CYP2C19: variants seen among roughly 807,000 people sequenced by gnomAD.
CYP2C19 encodes cytochrome P450 2C19.
A neutral mutation model predicts 40.9 loss-of-function variants in CYP2C19; 59 were observed. The observed-to-expected ratio is 1.44, with a 90% CI of 1.17 to 1.79. The LOEUF (loss-of-function observed/expected upper bound fraction) is 1.79. CYP2C19 is among the 40% of genes most tolerant of loss of function. The pLI is 0.00. For synonymous variants in CYP2C19, 253 were observed against 208.7 expected, an observed-to-expected ratio of 1.21 and a Z score of -1.83; for missense variants, 754 against 596.9, an observed-to-expected ratio of 1.26 and a Z score of -2.74.
chr10:94,773,395 T>A (rs558256307), intron 1 of CYP2C19, among the ~76,000 whole-genome samples: 4 of 152,322 alleles, frequency 2.6e-5, no homozygotes, highest in African/African-American at 9.6e-5. Flanking sequence ...GTTCATGGTC[T>A]TGCTGACTTC....
intron 6 of CYP2C19, among the ~76,000 whole-genome samples, chr10:94,837,582 G>A (rs139109661): frequency 9.7e-4 from 147 of 152,284 alleles, no homozygotes; most frequent in Non-Finnish European, 1.2e-3. Flanking sequence ...AAGTTCCTCA[G>A]TCACAGCTTA....
chr10:94,775,083 T>G lies in CYP2C19; in HGVS notation c.194T>G (p.Phe65Cys). The change falls in exon 2 of 9, where the codon TTC (phenylalanine) becomes TGC (cysteine). Residue 65 changes from phenylalanine to cysteine, a missense_variant. Transcript: ENST00000371321. ...CTCTCAAAAATCTATGGCCCTGTGT[T>G]CACTCTGTATTTTGGCCTGGAACGC... is the stretch of plus-strand genomic sequence containing the variant. ...TNLSKIYGPV[F>C]TLYFGLERMV... 1 of 1,614,178 alleles carries G rather than the reference T, an allele frequency of 6.2e-7. No individual in the cohort carries two copies. The highest frequency in any genetic ancestry group is 2.2e-5 in the East Asian group (1 of 44,890).
At position 94,836,399 on chromosome 10, in the gene CYP2C19, T is replaced by C. The variant is rs184245960; in HGVS notation, c.962-6438T>C. Among the ~76,000 whole-genome samples, 237 of 152,292 alleles carry C rather than the reference T, an allele frequency of 1.6e-3. 1 individual carries two copies. The highest frequency in any genetic ancestry group is 2.7e-3 in the Non-Finnish European group (187 of 68,012). On this transcript the variant is annotated intron_variant, in intron 6 of 8. Coordinates refer to ENST00000371321, the MANE Select transcript of CYP2C19 (RefSeq NM_000769.4). ...GGACTCCTAGAGCTATTCCTGTTTT[T>C]TTTCTGTGTTATATAAAGAAAAGTC...
chr10:94,823,523 C>T (rs947560700), intron 6 of CYP2C19, among the ~76,000 whole-genome samples: 1 of 152,078 alleles, frequency 6.6e-6, no homozygotes, highest in African/African-American at 2.4e-5. Flanking sequence ...TTTCTTTTGC[C>T]ATCTTAACAG....
At chr10:94,778,071 G>C (rs1848434101) in intron 3 of CYP2C19, among the ~76,000 whole-genome samples, 1 of 152,158 alleles carries the variant, frequency 6.6e-6, no homozygotes, top group Non-Finnish European at 1.5e-5. Flanking sequence ...GGACTGTCTG[G>C]CTCAAGTGGC....
At chr10:94,785,955 A>G (rs539620080) in intron 5 of CYP2C19, among the ~76,000 whole-genome samples, 13 of 152,068 alleles carry the variant, frequency 8.5e-5, no homozygotes, top group Non-Finnish European at 1.6e-4. Flanking sequence ...TGTAAATGCC[A>G]CACCTGATTG....
chr10:94,844,898 C>T (rs747819388), intron 7 of CYP2C19, among the ~76,000 whole-genome samples: 1 of 152,212 alleles, frequency 6.6e-6, no homozygotes, highest in Non-Finnish European at 1.5e-5. Flanking sequence ...CAATCCACTG[C>T]ATCAGCTTTG....
In CYP2C19 at chr10:94,842,734, A is replaced by G. The variant is rs115814053; in HGVS notation, c.962-103A>G. The stretch of plus-strand genomic sequence containing the variant: ...TCCAGCACTATAATTTAAATTTATT[A>G]TGATGTTTGGATACCTTCATCATGA... On this transcript the variant is annotated intron_variant, in intron 6 of 8. Coordinates refer to ENST00000371321, the MANE Select transcript of CYP2C19 (RefSeq NM_000769.4). 361 of 1,259,086 alleles carry G rather than the reference A, an allele frequency of 2.9e-4. No homozygotes were observed. In the African/African-American group the frequency reaches 4.6e-3, roughly 16 times the overall value. 78.0% of individuals were successfully genotyped at this position (1,259,086 alleles called of 1,614,324 possible). A position where few individuals can be genotyped will look rare whatever the true frequency, so the allele number is the denominator to read the frequency against.
chr10:94,784,691 G>A lies in CYP2C19; in HGVS notation c.819+2694G>A, dbSNP rs1372223265. 3.3e-5 allele frequency among the ~76,000 whole-genome samples: 5 copies of A among 152,066 alleles called. No individual in the cohort carries two copies. In the East Asian group the frequency reaches 5.8e-4, roughly 18 times the overall value. ...AGTGCAGTAGCATGATCTCATTCAAGCAATTCTCCTGCCCCAGCCTTCAGA... is the reference window on the plus strand; with the variant it reads ...AGTGCAGTAGCATGATCTCATTCAAACAATTCTCCTGCCCCAGCCTTCAGA... On this transcript the variant is annotated intron_variant, in intron 5 of 8. Transcript: ENST00000371321.
intron 5 of CYP2C19, among the ~76,000 whole-genome samples, chr10:94,812,949 T>C (rs949608745): frequency 5.3e-5 from 8 of 151,712 alleles, no homozygotes; most frequent in Non-Finnish European, 1.2e-4. Flanking sequence ...GATGTTCTGG[T>C]TTTTGAAATT....
chr10:94,803,754 G>A (rs1270864742), intron 5 of CYP2C19, among the ~76,000 whole-genome samples: 3 of 152,206 alleles, frequency 2.0e-5, no homozygotes. Context: ...ATCCAGGTGA[G>A]TGGATGCTTT....
intron 6 of CYP2C19, among the ~76,000 whole-genome samples, chr10:94,830,250 C>T (rs544031973): frequency 6.6e-6 from 1 of 152,248 alleles, no homozygotes; most frequent in African/African-American, 2.4e-5. Context: ...GCCCCTCCCC[C>T]AGCCTTGCTG....
At chr10:94,845,668 C>T (rs987310922) in intron 7 of CYP2C19, among the ~76,000 whole-genome samples, 1 of 152,020 alleles carries the variant, frequency 6.6e-6, no homozygotes, top group African/African-American at 2.4e-5. Context: ...TAATAATGGT[C>T]GTGCTTCAAT....
intron 1 of CYP2C19, among the ~76,000 whole-genome samples, chr10:94,772,868 G>A (rs541871133): frequency 9.9e-5 from 15 of 152,260 alleles, no homozygotes; most frequent in Admixed American, 2.6e-4. Flanking sequence ...TGCAAGCTCC[G>A]CTTCCTGGGT....
intron 1 of CYP2C19, among the ~76,000 whole-genome samples, chr10:94,771,773 A>G (rs1191450656): frequency 6.6e-6 from 1 of 152,098 alleles, no homozygotes; most frequent in Non-Finnish European, 1.5e-5. Context: ...ATGCAGCAGC[A>G]GAAACACCTC....
rs1316663657 is a variant in CYP2C19, at chr10:94,854,209, G to C, written c.*1295G>C. On this transcript the variant is annotated 3_prime_UTR_variant, in exon 9 of 9. Transcript: ENST00000371321. ...AATTTTTGTATTTTTAGTAGAGACAGGGTTTCACTATGTGGGCCAGGCTAG... is the reference window on the plus strand; with the variant it reads ...AATTTTTGTATTTTTAGTAGAGACACGGTTTCACTATGTGGGCCAGGCTAG... Among the ~76,000 whole-genome samples the C allele has an allele frequency of 6.6e-6, 1 of 151,830 alleles. No individual in the cohort carries two copies. Among genetic ancestry groups the C allele is most frequent in the Non-Finnish European group, 1.5e-5 (1 of 67,968 alleles).
chr10:94,829,729 C>T (rs999452803), intron 6 of CYP2C19, among the ~76,000 whole-genome samples: 8 of 151,860 alleles, frequency 5.3e-5, no homozygotes, highest in Non-Finnish European at 8.8e-5. Context: ...AGGAGAGGCG[C>T]TCTGCTTTTT....
At chr10:94,827,704 A>G (rs981667223) in intron 6 of CYP2C19, among the ~76,000 whole-genome samples, 2 of 152,156 alleles carry the variant, frequency 1.3e-5, no homozygotes, top group African/African-American at 4.8e-5. Context: ...GCCTTCTGCT[A>G]GCATTTGAAT....
chr10:94,821,071 G>A (rs184194342), intron 6 of CYP2C19, among the ~76,000 whole-genome samples: 8 of 152,030 alleles, frequency 5.3e-5, no homozygotes, highest in Non-Finnish European at 1.2e-4. Flanking sequence ...TGACAGAGTG[G>A]GACCCTGTCT....
Sources: allele counts gnomAD v4.1 joint callset (sites outside exome capture counted in the v4.1 genomes callset), GRCh38; gene constraint gnomAD v4.1.1; transcripts MANE v1.5; gene names NCBI Gene and HGNC (gene_info 2026-07-23, HGNC 2026-07-21).